The following AGBL4 variants were observed in gnomAD, a reference collection of about 807,000 sequenced individuals.
AGBL4 encodes the protein AGBL carboxypeptidase 4, also known as cytosolic carboxypeptidase 6.
Under a neutral mutation model 66.4 loss-of-function variants are expected in AGBL4, and 58 were observed. The observed-to-expected ratio is 0.87, with a 90% CI of 0.71 to 1.09. The LOEUF (loss-of-function observed/expected upper bound fraction) is 1.09. Ranked by LOEUF, AGBL4 falls within the 50% of genes least tolerant of loss-of-function variation. The pLI, the probability that AGBL4 is intolerant of heterozygous loss-of-function variation, is 0.00. For synonymous variants in AGBL4, 234 were observed against 222.9 expected, an observed-to-expected ratio of 1.05 and a Z score of -0.44; for missense variants, 579 against 631.0, an observed-to-expected ratio of 0.92 and a Z score of 0.88.
At chr1:49,316,594 C>G (rs1285511182) in intron 3 of AGBL4, among the ~76,000 whole-genome samples, 2 of 151,326 alleles carry the variant, frequency 1.3e-5, no homozygotes, top group Non-Finnish European at 3.0e-5. Context: ...TTTAGCAAAG[C>G]CAGTAAAGAA....
intron 3 of AGBL4, among the ~76,000 whole-genome samples, chr1:49,620,159 G>A (rs998875834): frequency 9.2e-5 from 14 of 152,034 alleles, no homozygotes; most frequent in Middle Eastern, 3.2e-3. Flanking sequence ...CACAGCAAAA[G>A]AAACTATTAC....
At chr1:48,893,513 C>G (rs1651180427) in intron 5 of AGBL4, among the ~76,000 whole-genome samples, 1 of 151,510 alleles carries the variant, frequency 6.6e-6, no homozygotes, top group South Asian at 2.1e-4. Context: ...AACCCCGTCT[C>G]TACTAAAAAT....
chr1:49,747,745 A>C (rs1449932634), intron 2 of AGBL4, among the ~76,000 whole-genome samples: 1 of 152,118 alleles, frequency 6.6e-6, no homozygotes, highest in Non-Finnish European at 1.5e-5. Context: ...GAGGATGGAG[A>C]TATCGACTGA....
intron 3 of AGBL4, among the ~76,000 whole-genome samples, chr1:49,430,147 C>T (rs1469691043): frequency 6.6e-6 from 1 of 152,078 alleles, no homozygotes; most frequent in African/African-American, 2.4e-5. Context: ...GACACCATGC[C>T]CGGCCACATA....
intron 4 of AGBL4, among the ~76,000 whole-genome samples, chr1:49,204,541 A>G (rs2148237738): frequency 6.6e-6 from 1 of 152,236 alleles, no homozygotes; most frequent in East Asian, 1.9e-4. Context: ...TGGCCTCCCA[A>G]AGTGCTGGGA....
intron 3 of AGBL4, among the ~76,000 whole-genome samples, chr1:49,499,156 A>G (rs952789811): frequency 6.6e-6 from 1 of 151,978 alleles, no homozygotes; most frequent in African/African-American, 2.4e-5. Flanking sequence ...TAAATGTGGT[A>G]GAATCAGCAA....
intron 2 of AGBL4, among the ~76,000 whole-genome samples, chr1:49,801,173 G>C (rs1347798599): frequency 6.6e-6 from 1 of 152,182 alleles, no homozygotes. Flanking sequence ...ACACCAGTTA[G>C]AATGGGGAAC....
intron 4 of AGBL4, among the ~76,000 whole-genome samples, chr1:49,102,199 G>A (rs188182378): frequency 5.3e-5 from 8 of 152,250 alleles, no homozygotes. Context: ...AGAATCCAGA[G>A]ACTATCTTGT....
chr1:49,880,703 C>G (rs372316385), intron 1 of AGBL4, among the ~76,000 whole-genome samples: 48 of 152,274 alleles, frequency 3.2e-4, no homozygotes, highest in Middle Eastern at 3.4e-3. Context: ...TTGAGCTTCC[C>G]GGCTGCTTTG....
rs991179192 is a variant in AGBL4 at position 48,925,145 on chromosome 1, TAC to T, written c.595-57917_595-57916del. Among the ~76,000 whole-genome samples, 55 of 136,248 alleles carry T rather than the reference TAC, an allele frequency of 4.0e-4. 1 individual carries two copies. Among genetic ancestry groups the T allele is most frequent in the Admixed American group, 3.9e-3 (50 of 12,910 alleles). The allele number at this position is 136,248 out of a possible 152,430, so 89.4% of individuals were successfully genotyped here. A position where few individuals can be genotyped will look rare whatever the true frequency, so the allele number is the denominator to read the frequency against. On this transcript the variant is annotated intron_variant, in intron 5 of 13. Transcript: ENST00000371839. ...TGAGGACCATCTGTATATATATATA[TAC>T]ATACACACACACACACACACACACA...
intron 3 of AGBL4, among the ~76,000 whole-genome samples, chr1:49,322,436 G>A (rs574861753): frequency 7.9e-5 from 12 of 152,266 alleles, no homozygotes; most frequent in Middle Eastern, 3.4e-3. Context: ...AATGACAGTC[G>A]TCCAAAATTT....
chr1:49,062,766 GA>G (rs935559828), intron 4 of AGBL4, among the ~76,000 whole-genome samples: 14 of 152,160 alleles, frequency 9.2e-5, no homozygotes, highest in Non-Finnish European at 1.3e-4. Flanking sequence ...GTAACTGGTT[GA>G]AATGCTGATT....
chr1:49,008,843 C>A (rs1662105905), intron 5 of AGBL4, among the ~76,000 whole-genome samples: 2 of 151,726 alleles, frequency 1.3e-5, no homozygotes, highest in African/African-American at 4.8e-5. Context: ...AACAAAGACA[C>A]AACATACCAT....
chr1:49,623,744 T>A (rs1645411396), intron 3 of AGBL4, among the ~76,000 whole-genome samples: 2 of 152,198 alleles, frequency 1.3e-5, no homozygotes, highest in Admixed American at 6.5e-5. Flanking sequence ...TAAGTGTCAA[T>A]TAGCTGGATT....
Position 49,754,986 on chromosome 1 carries a change from G to A in AGBL4, c.158-57549C>T, listed in dbSNP as rs61783639. Among the ~76,000 whole-genome samples the A allele has an allele frequency of 4.9e-3, 752 of 152,212 alleles. 2 individuals carry two copies. Among genetic ancestry groups the A allele is most frequent in the Non-Finnish European group, 8.8e-3 (597 of 67,994 alleles). ...TTATGATGTTTAACTATTTGAATAA[G>A]CCCCACACCATACTGTAGATGGTAA... On this transcript the variant is annotated intron_variant, in intron 2 of 13. Coordinates refer to ENST00000371839, the MANE Select transcript of AGBL4 (RefSeq NM_032785.4).
intron 3 of AGBL4, among the ~76,000 whole-genome samples, chr1:49,554,243 C>G (rs1427429641): frequency 6.6e-6 from 1 of 152,072 alleles, no homozygotes; most frequent in African/African-American, 2.4e-5. Context: ...CACAATACTC[C>G]AACAGTGCTA....
intron 5 of AGBL4, among the ~76,000 whole-genome samples, chr1:48,961,086 TGTGTGTGTGTGTGTGTGTGTGC>T (rs1657934292): frequency 1.4e-5 from 2 of 143,558 alleles, no homozygotes; most frequent in South Asian, 4.2e-4. Flanking sequence ...CTGGGGTGTG[TGTGTGTGTGTGTGTGTGTGTGC>T]GTGTATGTGT....
Position 49,163,137 on chromosome 1 carries a change from T to C in AGBL4, c.377+82633A>G, listed in dbSNP as rs141470641. 5.1e-4 allele frequency among the ~76,000 whole-genome samples: 77 copies of C among 152,322 alleles called. No homozygotes were observed. In the East Asian group the frequency reaches 0.014, roughly 29 times the overall value. On this transcript the variant is annotated intron_variant, in intron 4 of 13. Coordinates refer to ENST00000371839, the MANE Select transcript of AGBL4 (RefSeq NM_032785.4). ...ATTTAGGATAACGCTTGGAACTATT[T>C]TAGTGTTTGCCTCATCATCAAGCTA...
At chr1:49,708,830 G>C (rs988886470) in intron 2 of AGBL4, among the ~76,000 whole-genome samples, 21 of 152,110 alleles carry the variant, frequency 1.4e-4, no homozygotes, top group Admixed American at 6.5e-4. Context: ...AGCTCTGCTT[G>C]AGTATACTGG....
Sources: gnomAD v4.1 joint callset for allele counts (sites outside exome capture counted in the v4.1 genomes callset) on GRCh38, gnomAD v4.1.1 for gene constraint, MANE v1.5 for transcripts, NCBI Gene and HGNC (gene_info 2026-07-23, HGNC 2026-07-21) for gene names.